TNRC18: variants seen among roughly 807,000 people sequenced by gnomAD.
The protein encoded by TNRC18 is trinucleotide repeat containing 18, also known as trinucleotide repeat-containing gene 18 protein.
Under a neutral mutation model 226.7 loss-of-function variants are expected in TNRC18, and 69 were observed. The ratio of observed to expected loss-of-function variants is 0.30; its 90% confidence interval spans 0.25 to 0.37. The LOEUF (loss-of-function observed/expected upper bound fraction) is 0.37, where lower values mean the gene tolerates loss of function less well. Ranked by LOEUF, TNRC18 falls within the 10% of genes least tolerant of loss-of-function variation. TNRC18 has a pLI of 1.00. For missense variants in TNRC18, 4,754 were observed against 4,256.6 expected (o/e 1.12, Z -3.25); for synonymous variants, 2,449 against 1,927.6 (o/e 1.27, Z -7.09).
intron 27 of TNRC18, among the ~76,000 whole-genome samples, chr7:5,310,020 C>T (rs1787015293): frequency 6.6e-6 from 1 of 152,092 alleles, no homozygotes; most frequent in African/African-American, 2.4e-5. Flanking sequence ...TCAAGCCATC[C>T]TCCTCCCTCG....
At chr7:5,317,584 C>G (rs1434203426) in intron 24 of TNRC18, among the ~76,000 whole-genome samples, 1 of 151,162 alleles carries the variant, frequency 6.6e-6, no homozygotes, top group Non-Finnish European at 1.5e-5. Context: ...GAGCAAGACT[C>G]TGTCTCAAAA....
intron 18 of TNRC18, among the ~76,000 whole-genome samples, chr7:5,342,848 C>T (rs1790815975): frequency 6.6e-6 from 1 of 152,228 alleles, no homozygotes; most frequent in South Asian, 2.1e-4. Context: ...AAGAGTCAAT[C>T]GATGTGGCAA....
At chr7:5,347,812 G>A (rs990457454) in intron 17 of TNRC18, among the ~76,000 whole-genome samples, 11 of 151,838 alleles carry the variant, frequency 7.2e-5, no homozygotes, top group African/African-American at 2.7e-4. Context: ...AAAATTAACC[G>A]GGTGCAGTGG....
intron 2 of TNRC18, among the ~76,000 whole-genome samples, chr7:5,406,090 G>A (rs577613085): frequency 6.6e-5 from 10 of 152,176 alleles, no homozygotes; most frequent in Non-Finnish European, 1.0e-4. Context: ...CCCTGAAAAG[G>A]AAGGACAATC....
intron 17 of TNRC18, among the ~76,000 whole-genome samples, chr7:5,351,480 CG>C (rs1791804777): frequency 1.3e-4 from 1 of 7,964 alleles, no homozygotes; most frequent in Admixed American, 1.2e-3. Flanking sequence ...AACGTGAGTG[CG>C]GGGGTGGGGG....
Position 5,377,697 on chromosome 7 carries a change from G to T in TNRC18, c.2256-121C>A. 1 of 1,168,966 alleles carries T rather than the reference G, an allele frequency of 8.6e-7. No homozygotes were observed. 72.4% of individuals were successfully genotyped at this position (1,168,966 alleles called of 1,614,324 possible). ...CCATGAGTCAGGACAACCACTGCTC[G>T]GAACTGAAGGGCCTCCCGGGGCCTT... On this transcript the variant is annotated intron_variant, in intron 6 of 29. Coordinates refer to ENST00000430969, the MANE Select transcript of TNRC18 (RefSeq NM_001080495.3). The surrounding 1 kb of genome is among the most constrained non-coding windows in gnomAD (Gnocchi z 5.8).
chr7:5,333,415 G>T (rs1287744950), intron 18 of TNRC18, among the ~76,000 whole-genome samples: 1 of 152,242 alleles, frequency 6.6e-6, no homozygotes, highest in Non-Finnish European at 1.5e-5. Flanking sequence ...AAGGCAGGCA[G>T]GCGGGGAAAC....
rs546208102 is a variant in TNRC18, at chr7:5,344,560, G to A, written c.5719+1002C>T. Among the ~76,000 whole-genome samples the A allele has an allele frequency of 7.9e-5, 12 of 152,254 alleles. 1 individual carries two copies. The highest frequency in any genetic ancestry group is 1.4e-4 in the African/African-American group (6 of 41,536). On this transcript the variant is annotated intron_variant, in intron 18 of 29. Coordinates refer to ENST00000430969, the MANE Select transcript of TNRC18 (RefSeq NM_001080495.3). ...GGTCAGGGGTGGGGCTTTGCTCCAC[G>A]AACCTGCAGAGGGCATGAAGCCAGG...
intron 16 of TNRC18, among the ~76,000 whole-genome samples, chr7:5,355,764 G>C (rs1767818625): frequency 6.6e-6 from 1 of 152,094 alleles, no homozygotes; most frequent in Non-Finnish European, 1.5e-5. Context: ...CCTAGTCCCA[G>C]CTACTCGGAG....
chr7:5,419,970 A>G (rs1474081405), intron 2 of TNRC18: 1 of 165,116 alleles, frequency 6.1e-6, no homozygotes, highest in Non-Finnish European at 1.3e-5. Context: ...CTGCAATTCG[A>G]ACAGGAGGTG....
chr7:5,321,630 C>T (rs1219683537), intron 21 of TNRC18, among the ~76,000 whole-genome samples: 2 of 150,636 alleles, frequency 1.3e-5, no homozygotes, highest in East Asian at 1.9e-4. Context: ...CACAGCCAAA[C>T]TTCTAGGACT....
rs752105363 is a variant in TNRC18 at position 5,313,648 on chromosome 7, G to C, written c.7243C>G (p.Leu2415Val). The C allele has an allele frequency of 1.2e-6, 2 of 1,605,596 alleles. No individual in the cohort carries two copies. Among genetic ancestry groups the C allele is most frequent in the African/African-American group, 1.3e-5 (1 of 74,768 alleles). ...SCPAPEPFAE[L>V]PAPATSLAPA... ...GCCAGGGAGGTGGCAGGAGCTGGCA[G>C]CTCTGCAAATGGCTCGGGTGCTGGG... is the stretch of plus-strand genomic sequence containing the variant. The change falls in exon 27 of 30, where the codon CTG becomes GTG. Residue 2415 changes from leucine to valine, a missense_variant. By Grantham distance (32) the Leu-to-Val change is conservative (BLOSUM62 1). Coordinates refer to ENST00000430969, the MANE Select transcript of TNRC18 (RefSeq NM_001080495.3).
intron 19 of TNRC18, among the ~76,000 whole-genome samples, chr7:5,329,682 C>CA (rs10628315): frequency 0.15 from 6,956 of 45,652 alleles, 1,710 homozygotes; most frequent in Admixed American, 0.21. Flanking sequence ...GACTCCGTCT[C>CA]AAAAAAAAAA....
chr7:5,402,085 A>C lies in TNRC18; in HGVS notation c.188-7490T>G, dbSNP rs1304763851. Among the ~76,000 whole-genome samples, 4 of 150,444 alleles carry C rather than the reference A, an allele frequency of 2.7e-5. No homozygotes were observed. The South Asian group carries it at 6.3e-4, about 24-fold the overall frequency. ...TCCCAGCTACTCCGGAGGCTGAGGC[A>C]GGAGAACGGCATGAACCCGGGAGGC... On this transcript the variant is annotated intron_variant, in intron 2 of 29. Coordinates refer to ENST00000430969, the MANE Select transcript of TNRC18 (RefSeq NM_001080495.3).
intron 3 of TNRC18, 65 bp from the exon 4 acceptor site, chr7:5,390,693 A>G (rs1439796601): frequency 6.9e-7 from 1 of 1,440,046 alleles, no homozygotes; most frequent in Non-Finnish European, 9.1e-7. Flanking sequence ...GCTTCCTTCC[A>G]GCTCCTGGAA....
At chr7:5,380,183 C>G (rs551833328) in intron 5 of TNRC18, among the ~76,000 whole-genome samples, 1 of 152,196 alleles carries the variant, frequency 6.6e-6, no homozygotes, top group Non-Finnish European at 1.5e-5. Context: ...GAATGGCTCA[C>G]GCCTGTAATC....
At position 5,313,231 on chromosome 7, in the gene TNRC18, C is replaced by A. The variant is rs960339996; in HGVS notation, c.7660G>T (p.Ala2554Ser). 6.5e-7 allele frequency: 1 copy of A among 1,548,874 alleles called. No individual in the cohort carries two copies. Among genetic ancestry groups the A allele is most frequent in the Non-Finnish European group, 8.7e-7 (1 of 1,146,822 alleles). ...CTGCTGCTGCTCTCGGACTCTTCGG[C>A]CCCGTCCTGCTCAGCCTGGGCCTTG... is the stretch of plus-strand genomic sequence containing the variant. ...PDKAQAEQDGAEESESSSSSS... is the reference protein window; with the variant it reads ...PDKAQAEQDGSEESESSSSSS... Residue 2554 changes from alanine (A) to serine (S), a missense_variant, in exon 27 of 30, where the codon GCC (alanine) becomes TCC (serine). Transcript: ENST00000430969.
rs779709120 is a variant in TNRC18, at chr7:5,308,112, G to A, written c.8901C>T (p.Leu2967=). ...CCCGCAGGGCCCGGCGGGCTCAGCA[G>A]AGCACGGGCACGCCGTCCGTGGAGA... ...MIFSTDGVPV[L]C The change falls in exon 30 of 30, where the codon CTC becomes CTT. Residue 2967 remains leucine (L), a synonymous_variant. Coordinates refer to ENST00000430969, the MANE Select transcript of TNRC18 (RefSeq NM_001080495.3). 1 of 1,550,484 alleles carries A rather than the reference G, an allele frequency of 6.4e-7. No homozygotes were observed. The highest frequency in any genetic ancestry group is 2.4e-5 in the East Asian group (1 of 41,006).
chr7:5,362,502 A>T, intron 12 of TNRC18, 148 bp downstream of exon 12: 1 of 736,798 alleles, frequency 1.4e-6, no homozygotes, highest in Non-Finnish European at 2.1e-6. Context: ...CTGGGACCAC[A>T]CAGCACATCA....
Sources: allele counts gnomAD v4.1 joint callset (sites outside exome capture counted in the v4.1 genomes callset), GRCh38; gene constraint gnomAD v4.1.1; non-coding constraint Gnocchi (gnomAD v3.1); transcripts MANE v1.5; gene names NCBI Gene and HGNC (gene_info 2026-07-23, HGNC 2026-07-21).